NRDE2: variants seen among roughly 807,000 people sequenced by gnomAD.
The protein encoded by NRDE2 is nuclear exosome regulator NRDE2.
Under a neutral mutation model 124.2 loss-of-function variants are expected in NRDE2, and 76 were observed. The ratio of observed to expected loss-of-function variants is 0.61; its 90% CI spans 0.51 to 0.74. The LOEUF is 0.74. Ranked by LOEUF, NRDE2 falls within the 30% of genes least tolerant of loss-of-function variation. NRDE2 has a pLI of 0.00. For missense variants in NRDE2, 1,314 were observed against 1,417.3 expected, an observed-to-expected ratio of 0.93 and a Z score of 1.17; for synonymous variants, 489 against 528.1, an observed-to-expected ratio of 0.93 and a Z score of 1.01.
rs754105089 is a variant in NRDE2 at position 90,312,531 on chromosome 14, A to C, written c.420T>G (p.Asn140Lys). The C allele has an allele frequency of 6.2e-7, 1 of 1,614,142 alleles. No individual in the cohort carries two copies. The highest frequency in any genetic ancestry group is 8.5e-7 in the Non-Finnish European group (1 of 1,180,034). ...AGCGATGTCCAGTATCAGCTGCAGCATTATTTCCTTGACTGTGGGACAAAG... is the reference window on the plus strand; with the variant it reads ...AGCGATGTCCAGTATCAGCTGCAGCCTTATTTCCTTGACTGTGGGACAAAG... ...KESEEPNQGN[N>K]AAADTGHRFV... The change falls in exon 4 of 14, where the codon AAT becomes AAG. Residue 140 changes from asparagine (N) to lysine (K), a missense_variant. Physicochemically the swap from Asn to Lys is moderately conservative, Grantham distance 94. Coordinates refer to ENST00000354366, the MANE Select transcript of NRDE2 (RefSeq NM_017970.4).
rs562624195 is a variant in NRDE2, at chr14:90,277,470, G to A, written c.*866C>T. The A allele has an allele frequency of 2.0e-5, 3 of 152,376 alleles. No homozygotes were observed. In the East Asian group the frequency reaches 5.8e-4, roughly 29 times the overall value. The allele number at this position is 152,376 out of a possible 1,614,324, so 9.4% of individuals were successfully genotyped here. A position where few individuals can be genotyped will look rare whatever the true frequency, so the allele number is the denominator to read the frequency against. On this transcript the variant is annotated 3_prime_UTR_variant, in exon 14 of 14. Coordinates refer to ENST00000354366, the MANE Select transcript of NRDE2 (RefSeq NM_017970.4). The stretch of plus-strand genomic sequence containing the variant: ...AAAAATCTCTTCGGAGGCAGAACAA[G>A]TCTGAAAAATGGATGTTGACATTTC...
chr14:90,305,910 T>C (rs1460647097), intron 4 of NRDE2, among the ~76,000 whole-genome samples: 2 of 152,152 alleles, frequency 1.3e-5, no homozygotes, highest in East Asian at 3.9e-4. Flanking sequence ...ATTAAAGGAA[T>C]AAAACTAAAT....
chr14:90,286,616 T>A, intron 11 of NRDE2, 124 bp from the exon 12 acceptor site: 2 of 1,247,632 alleles, frequency 1.6e-6, no homozygotes, highest in South Asian at 3.1e-5. Context: ...AGGGGAGAAC[T>A]GTCCCTCAGG....
chr14:90,284,863 T>C (rs55809902), intron 12 of NRDE2, among the ~76,000 whole-genome samples: 20,310 of 152,172 alleles, frequency 0.13, 1,576 homozygotes, highest in East Asian at 0.21. Flanking sequence ...AGCCAATTCA[T>C]AGACTCTATT....
At chr14:90,331,637 A>G (rs1361865561) in intron 1 of NRDE2, among the ~76,000 whole-genome samples, 2 of 152,176 alleles carry the variant, frequency 1.3e-5, no homozygotes, top group Admixed American at 6.5e-5. Context: ...CCACCCCTCC[A>G]TAACTCTACA....
At chr14:90,303,845 A>G (rs1884496161) in intron 5 of NRDE2, 90 bp downstream of exon 5, 3 of 1,187,248 alleles carry the variant, frequency 2.5e-6, no homozygotes, top group South Asian at 2.9e-5. Flanking sequence ...AAATTTCCTC[A>G]TTTGCTCAAA....
At chr14:90,331,710 G>A in intron 1 of NRDE2, 131 bp downstream of exon 1, 1 of 1,023,788 alleles carries the variant, frequency 9.8e-7, no homozygotes, top group Non-Finnish European at 1.5e-6. Context: ...TTCCCAGAAG[G>A]CTTTGCAGCG....
chr14:90,275,647 C>T lies in NRDE2; in HGVS notation c.*2689G>A, dbSNP rs1757834182. On this transcript the variant is annotated 3_prime_UTR_variant, in exon 14 of 14. Transcript: ENST00000354366. ...CCGTTTCGGCAGCTGGTCACTGAGG[C>T]CTGCGGTGCCAAGTGCAGGGATGCA... The T allele has an allele frequency of 6.6e-6, 1 of 152,168 alleles. No homozygotes were observed. Among genetic ancestry groups the T allele is most frequent in the South Asian group, 2.1e-4 (1 of 4,824 alleles). 9.4% of individuals were successfully genotyped at this position (152,168 alleles called of 1,614,324 possible).
Position 90,278,269 on chromosome 14 carries a change from C to T in NRDE2, c.*67G>A, listed in dbSNP as rs537889050. 86 of 1,595,090 alleles carry T rather than the reference C, an allele frequency of 5.4e-5. No individual in the cohort carries two copies. In the Admixed American group the frequency reaches 6.5e-4, roughly 12 times the overall value. On this transcript the variant is annotated 3_prime_UTR_variant, in exon 14 of 14. Coordinates refer to ENST00000354366, the MANE Select transcript of NRDE2 (RefSeq NM_017970.4). ...TCTCCTAACACACACGTTCTCTGCT[C>T]GCGCCTCCTAGCTCCGCAGGGTGGG...
chr14:90,310,461 AAAT>A lies in NRDE2; in HGVS notation c.557+1930_557+1932del, dbSNP rs201129024. 6.6e-3 allele frequency among the ~76,000 whole-genome samples: 1,007 copies of A among 151,844 alleles called. 13 individuals are homozygous for A. Among genetic ancestry groups the A allele is most frequent in the African/African-American group, 0.023 (965 of 41,382 alleles). ...AGGATCAGACAGGCTAACTTAAGTG[AAAT>A]AACGCACACAGCACCACAGCCACTA... On this transcript the variant is annotated intron_variant, in intron 4 of 13. Coordinates refer to ENST00000354366, the MANE Select transcript of NRDE2 (RefSeq NM_017970.4).
intron 8 of NRDE2, among the ~76,000 whole-genome samples, chr14:90,295,070 A>G (rs1322751764): frequency 6.6e-6 from 1 of 152,152 alleles, no homozygotes; most frequent in Non-Finnish European, 1.5e-5. Flanking sequence ...ACTGCCTAGT[A>G]CCATAGAAAC....
At chr14:90,286,839 G>C (rs1219467468) in intron 11 of NRDE2, among the ~76,000 whole-genome samples, 1 of 152,046 alleles carries the variant, frequency 6.6e-6, no homozygotes, top group Non-Finnish European at 1.5e-5. Flanking sequence ...ACAAGGTCAG[G>C]AGTTGGAGAC....
intron 3 of NRDE2, among the ~76,000 whole-genome samples, chr14:90,315,922 ACTC>A (rs1047473271): frequency 5.7e-5 from 8 of 141,450 alleles, no homozygotes; most frequent in African/African-American, 2.1e-4. Flanking sequence ...GCACCACTGC[ACTC>A]CAGCGTGGGC....
At chr14:90,322,521 T>C (rs1885279907) in intron 1 of NRDE2, among the ~76,000 whole-genome samples, 1 of 151,970 alleles carries the variant, frequency 6.6e-6, no homozygotes, top group Non-Finnish European at 1.5e-5. Context: ...TCAAATGAAC[T>C]GAAGAAATTA....
chr14:90,282,593 G>A (rs1047201295), intron 12 of NRDE2, among the ~76,000 whole-genome samples: 1 of 152,088 alleles, frequency 6.6e-6, no homozygotes, highest in African/African-American at 2.4e-5. Flanking sequence ...AACATTAGTG[G>A]AAAATTTTAA....
chr14:90,317,360 T>G (rs1885082440), intron 2 of NRDE2, among the ~76,000 whole-genome samples: 1 of 152,216 alleles, frequency 6.6e-6, no homozygotes, highest in Non-Finnish European at 1.5e-5. Flanking sequence ...AACATTTAAT[T>G]GTGGTCCTTG....
intron 12 of NRDE2, among the ~76,000 whole-genome samples, chr14:90,284,773 T>G (rs1215583277): frequency 3.9e-5 from 6 of 151,932 alleles, no homozygotes; most frequent in Admixed American, 3.9e-4. Flanking sequence ...AGACTGTTTC[T>G]AAAAAAAAGT....
intron 3 of NRDE2, among the ~76,000 whole-genome samples, chr14:90,313,117 TCA>T (rs1454349494): frequency 7.0e-6 from 1 of 143,266 alleles, no homozygotes; most frequent in Non-Finnish European, 1.5e-5. Flanking sequence ...GGTCTCAGCC[TCA>T]TTTTTTTTTT....
rs1891691155 is a variant in NRDE2, at chr14:90,272,278, C to T, written c.*6058G>A. 1 of 1,602,222 alleles carries T rather than the reference C, an allele frequency of 6.2e-7. No individual in the cohort carries two copies. Among genetic ancestry groups the T allele is most frequent in the Admixed American group, 1.8e-5 (1 of 56,300 alleles). ...CACACTCTTCTTTCTTACAGGCAAT[C>T]TGTACAGAAGCTGGTCTGATGGCCT... On this transcript the variant is annotated 3_prime_UTR_variant, in exon 14 of 14. Transcript: ENST00000354366. This position sits in a 1 kb window ranked among gnomAD's most constrained non-coding sequence, Gnocchi z 4.5.
Sources: allele counts gnomAD v4.1 joint callset (sites outside exome capture counted in the v4.1 genomes callset), GRCh38; gene constraint gnomAD v4.1.1; non-coding constraint Gnocchi (gnomAD v3.1); transcripts MANE v1.5; gene names NCBI Gene and HGNC (gene_info 2026-07-23, HGNC 2026-07-21).